Variants in OLFM1 observed in about 807,000 individuals in gnomAD.
The protein encoded by OLFM1 is olfactomedin 1.
A neutral mutation model predicts 49.7 loss-of-function variants in OLFM1; 9 were observed. That is an observed-to-expected ratio of 0.18 (90% CI 0.11 to 0.32). OLFM1 has a LOEUF of 0.32. Among genes scored for constraint, OLFM1 ranks in the 10% least tolerant of loss-of-function variants. The pLI, the probability that OLFM1 is intolerant of heterozygous loss-of-function variation, is 1.00. For missense variants in OLFM1, 369 were observed against 661.8 expected (o/e 0.56, Z 4.85); for synonymous variants, 240 against 271.8 (o/e 0.88, Z 1.15).
chr9:135,076,518 AT>A, intron 1 of OLFM1: 1 of 1,261,612 alleles, frequency 7.9e-7, no homozygotes, highest in Non-Finnish European at 1.1e-6. Context: ...TTAAAGATGC[AT>A]ATTGGAGCTG....
chr9:135,098,268 C>A lies in OLFM1; in HGVS notation c.457-18C>A, dbSNP rs754167270. On this transcript the variant is annotated intron_variant, in intron 3 of 5. Transcript: ENST00000371793. The surrounding 1 kb of genome is among the most constrained non-coding windows in gnomAD (Gnocchi z 5.6). ...TCTTGCATGCATCGCACTGAACCAG[C>A]TTATTTTAACCTTGCAGGCGATAAA... is the stretch of plus-strand genomic sequence containing the variant. The A allele has an allele frequency of 6.2e-7, 1 of 1,612,282 alleles. No individual in the cohort carries two copies. Among genetic ancestry groups the A allele is most frequent in the South Asian group, 1.1e-5 (1 of 91,042 alleles).
intron 2 of OLFM1, 42 bp downstream of exon 2, chr9:135,090,386 TTG>T (rs10633472): frequency 6.7e-3 from 7,863 of 1,173,624 alleles, no homozygotes; most frequent in Admixed American, 0.029. Flanking sequence ...GTGTGTGTGT[TTG>T]TGTGTGTGTG....
At chr9:135,085,186 C>T (rs138877470), upstream of OLFM1, among the ~76,000 whole-genome samples, 141 of 152,250 alleles carry the variant, frequency 9.3e-4, 2 homozygotes, top group African/African-American at 2.8e-3. Flanking sequence ...GGTGCAGGCT[C>T]GTGCCAGGAC....
At chr9:135,091,908 C>CAA (rs1830721411) in intron 2 of OLFM1, among the ~76,000 whole-genome samples, 1 of 150,832 alleles carries the variant, frequency 6.6e-6, no homozygotes, top group Non-Finnish European at 1.5e-5. Context: ...CACACACACA[C>CAA]ACACATAGTC....
At chr9:135,082,465 CA>C (rs2119088773) in intron 1 of OLFM1, among the ~76,000 whole-genome samples, 1 of 152,268 alleles carries the variant, frequency 6.6e-6, no homozygotes, top group Non-Finnish European at 1.5e-5. Context: ...GCCTAAGAGT[CA>C]AAGAAAGAAC....
At position 135,088,126 on chromosome 9, in the gene OLFM1, A is replaced by T. The variant is rs779294637; in HGVS notation, c.137A>T (p.Asp46Val). The T allele has an allele frequency of 4.3e-6, 6 of 1,380,898 alleles. No homozygotes were observed. Among genetic ancestry groups the T allele is most frequent in the South Asian group, 3.2e-5 (2 of 61,812 alleles). 85.5% of individuals were successfully genotyped at this position (1,380,898 alleles called of 1,614,324 possible). Residue 46 changes from aspartate (D) to valine (V), a missense_variant, in exon 1 of 6, where the codon GAC becomes GTC. Transcript: ENST00000371793. This position sits in a 1 kb window ranked among gnomAD's most constrained non-coding sequence, Gnocchi z 4.8. ...TCGGCGGCCGGCGGCGGGACGCTGG[A>T]CCGCAGCACCGGCGTAAGTGCGCCC... ...KLSAAGGGTL[D>V]RSTGVLPTNP...
intron 2 of OLFM1, among the ~76,000 whole-genome samples, chr9:135,094,384 A>G (rs1193835458): frequency 6.6e-6 from 1 of 152,212 alleles, no homozygotes. Flanking sequence ...TCCATCAGAG[A>G]AGCCTCCCTG....
chr9:135,118,328 T>C (rs1023535765), intron 5 of OLFM1, among the ~76,000 whole-genome samples: 22 of 150,448 alleles, frequency 1.5e-4, no homozygotes, highest in African/African-American at 4.4e-4. Context: ...AAGTGCTCAC[T>C]GGGTCTTTGG....
rs1013029614 is a variant in OLFM1, at chr9:135,109,547, A to G, written c.783+2692A>G. ...GAGCCTGCTCAGAGCACCCTCGGCT[A>G]CGGCCATTCCAAGCCATACGCTCAG... is the stretch of plus-strand genomic sequence containing the variant. On this transcript the variant is annotated intron_variant, in intron 5 of 5. Coordinates refer to ENST00000371793, the MANE Select transcript of OLFM1 (RefSeq NM_001282611.2). Among the ~76,000 whole-genome samples, 6 of 152,208 alleles carry G rather than the reference A, an allele frequency of 3.9e-5. No individual in the cohort carries two copies. In the East Asian group the frequency reaches 7.8e-4, roughly 20 times the overall value.
Position 135,088,626 on chromosome 9 carries a change from G to C in OLFM1, c.150+487G>C, listed in dbSNP as rs1184768333. Among the ~76,000 whole-genome samples the C allele has an allele frequency of 1.3e-5, 2 of 152,000 alleles. No individual in the cohort carries two copies. The highest frequency in any genetic ancestry group is 2.4e-5 in the African/African-American group (1 of 41,388). On this transcript the variant is annotated intron_variant, in intron 1 of 5. Transcript: ENST00000371793. The surrounding 1 kb of genome is among the most constrained non-coding windows in gnomAD (Gnocchi z 4.8). The stretch of plus-strand genomic sequence containing the variant: ...GTAAAAGCCAGACTGGCCGGACCGG[G>C]CTGGGAGTGGGGCCCCAGCCGGTGG...
chr9:135,097,328 G>C (rs889474147), intron 3 of OLFM1, among the ~76,000 whole-genome samples: 1 of 152,124 alleles, frequency 6.6e-6, no homozygotes, highest in African/African-American at 2.4e-5. Flanking sequence ...TTTTGTCCTC[G>C]CATCTGGCTG....
At chr9:135,095,747 C>G in intron 2 of OLFM1, 117 bp from the exon 3 acceptor site, 1 of 1,109,216 alleles carries the variant, frequency 9.0e-7, no homozygotes, top group Non-Finnish European at 1.3e-6. Flanking sequence ...GCATGGGCCA[C>G]TTCTGGTTCC....
intron 4 of OLFM1, among the ~76,000 whole-genome samples, chr9:135,103,458 A>T (rs989200084): frequency 6.6e-6 from 1 of 152,258 alleles, no homozygotes; most frequent in African/African-American, 2.4e-5. Flanking sequence ...CAGGGTGCAG[A>T]GCCAGCCTCA....
Position 135,112,683 on chromosome 9 carries a change from C to T in OLFM1, c.783+5828C>T, listed in dbSNP as rs1042190789. Among the ~76,000 whole-genome samples, 3 of 152,216 alleles carry T rather than the reference C, an allele frequency of 2.0e-5. No homozygotes were observed. In the South Asian group the frequency reaches 6.2e-4, roughly 32 times the overall value. On this transcript the variant is annotated intron_variant, in intron 5 of 5. Coordinates refer to ENST00000371793, the MANE Select transcript of OLFM1 (RefSeq NM_001282611.2). ...ACTCTTGGGCGGGCGTCTCCTGGGC[C>T]GCTGTGGATGCCTTGACCCTGGGAG...
chr9:135,076,674 T>A, intron 1 of OLFM1: 1 of 1,307,052 alleles, frequency 7.7e-7, no homozygotes, highest in Non-Finnish European at 1.0e-6. Context: ...ATGATGCCAC[T>A]GTGCCACGCT....
chr9:135,075,709 G>A (rs1230398723), exon 1 of OLFM1: 3 of 1,597,450 alleles, frequency 1.9e-6, no homozygotes, highest in African/African-American at 1.4e-5. Context: ...GGCCCTGCAT[G>A]CCAGGTCGTT....
rs768782426 is a variant in OLFM1 at position 135,106,786 on chromosome 9, T to C, written c.714T>C (p.Thr238=). 8.1e-6 allele frequency: 13 copies of C among 1,613,722 alleles called. No homozygotes were observed. Among genetic ancestry groups the C allele is most frequent in the Non-Finnish European group, 1.0e-5 (12 of 1,179,898 alleles). Residue 238 remains threonine (T), a synonymous_variant, in exon 5 of 6, where the codon ACT becomes ACC. Transcript: ENST00000371793. ...TGACGGGCATCAGTGACCCCGTGACTGTCAAGACCTCCGGCTCGAGGTTCG... is the reference window on the plus strand; with the variant it reads ...TGACGGGCATCAGTGACCCCGTGACCGTCAAGACCTCCGGCTCGAGGTTCG... The part of the protein sequence containing the change: ...GKLTGISDPV[T]VKTSGSRFGS...
chr9:135,087,814 G>C lies in OLFM1; in HGVS notation c.-176G>C. 1.2e-6 allele frequency: 1 copy of C among 834,930 alleles called. No individual in the cohort carries two copies. The highest frequency in any genetic ancestry group is 1.4e-6 in the Non-Finnish European group (1 of 695,300). The allele number at this position is 834,930 out of a possible 1,614,324, so 51.7% of individuals were successfully genotyped here. ...CTTCCCTGGCGCCCGGGGAAGGCGC[G>C]GCGATGGCCGGGGCGCGCGGGGCGG... On this transcript the variant is annotated 5_prime_UTR_variant, in exon 1 of 6. Transcript: ENST00000371793.
At chr9:135,083,698 G>T (rs975674538), upstream of OLFM1, among the ~76,000 whole-genome samples, 7 of 152,236 alleles carry the variant, frequency 4.6e-5, no homozygotes, top group African/African-American at 1.7e-4. Flanking sequence ...GCAACGGTGT[G>T]CATAGGGCAC....
Sources: gnomAD v4.1 joint callset for allele counts (sites outside exome capture counted in the v4.1 genomes callset) on GRCh38, gnomAD v4.1.1 for gene constraint, Gnocchi (gnomAD v3.1) non-coding constraint, MANE v1.5 for transcripts, NCBI Gene and HGNC (gene_info 2026-07-23, HGNC 2026-07-21) for gene names.